Variants in PSG11 observed in about 807,000 individuals in gnomAD.
PSG11 encodes the protein pregnancy-specific beta-1-glycoprotein 11.
Under a neutral mutation model 36.0 loss-of-function variants are expected in PSG11, and 42 were observed. That is an observed-to-expected ratio of 1.17 (90% confidence interval 0.91 to 1.51). PSG11 has a LOEUF of 1.51. PSG11 is among the 40% of genes most tolerant of loss of function. The probability of loss-of-function intolerance (pLI) is 0.00; values close to 1 mark genes in which losing one functional copy is unlikely to be tolerated. For missense variants in PSG11, 558 were observed against 403.5 expected, an observed-to-expected ratio of 1.38 and a Z score of -3.28; for synonymous variants, 206 against 153.5, an observed-to-expected ratio of 1.34 and a Z score of -2.53.
intron 4 of PSG11, 141 bp downstream of exon 4, chr19:43,014,975 G>A (rs1599671518): frequency 1.3e-6 from 2 of 1,552,680 alleles, no homozygotes; most frequent in Admixed American, 3.9e-5. Context: ...GACAAATTGG[G>A]AGGGTTCAGG....
At chr19:43,009,856 G>A (rs780161427) in intron 5 of PSG11, 102 bp downstream of exon 5, 14 of 900,246 alleles carry the variant, frequency 1.6e-5, no homozygotes, top group Non-Finnish European at 2.5e-5. Flanking sequence ...AGTGGATGAA[G>A]GAGGAGATCC....
At chr19:43,014,494 G>C (rs1230276644) in intron 4 of PSG11, 2 of 975,884 alleles carry the variant, frequency 2.0e-6, no homozygotes, top group Non-Finnish European at 2.4e-6. Flanking sequence ...TTTCCTTGCA[G>C]CCTGGCCCGG....
chr19:43,021,359 AT>A (rs1386993622), intron 2 of PSG11, among the ~76,000 whole-genome samples: 1 of 150,920 alleles, frequency 6.6e-6, no homozygotes, highest in East Asian at 1.9e-4. Context: ...CTCTTACAGC[AT>A]TTTTATTTTT....
intron 2 of PSG11, among the ~76,000 whole-genome samples, chr19:43,020,261 T>C (rs1967071416): frequency 6.6e-6 from 1 of 151,462 alleles, no homozygotes; most frequent in Non-Finnish European, 1.5e-5. Flanking sequence ...TTTTTTATTT[T>C]GGAATATTTG....
Position 43,007,965 on chromosome 19 carries a change from T to G in PSG11, c.*118A>C, listed in dbSNP as rs370959726. ...CTGTTCATCAAAATTTTGAAAGTTC[T>G]TAGTCCAGTGGTATGATCTTGAAGT... On this transcript the variant is annotated 3_prime_UTR_variant, in exon 6 of 6. Coordinates refer to ENST00000320078, the MANE Select transcript of PSG11 (RefSeq NM_002785.3). 2.2e-5 allele frequency: 9 copies of G among 400,168 alleles called. No homozygotes were observed. The East Asian group carries it at 2.5e-4, about 11-fold the overall frequency. 24.8% of individuals were successfully genotyped at this position (400,168 alleles called of 1,614,324 possible). A position where few individuals can be genotyped will look rare whatever the true frequency, so the allele number is the denominator to read the frequency against.
chr19:43,015,466 C>T (rs1315996728), intron 3 of PSG11, 96 bp from the exon 4 acceptor site: 2 of 1,453,240 alleles, frequency 1.4e-6, no homozygotes, highest in Non-Finnish European at 1.9e-6. Flanking sequence ...TGAGCCAAGA[C>T]ACACCCTCAA....
At chr19:43,011,357 T>A (rs1434292038) in intron 4 of PSG11, among the ~76,000 whole-genome samples, 1 of 150,974 alleles carries the variant, frequency 6.6e-6, no homozygotes, top group Non-Finnish European at 1.5e-5. Flanking sequence ...AGATCTCAGG[T>A]CAACAACCTA....
Position 43,010,032 on chromosome 19 carries a change from C to G in PSG11, c.974G>C (p.Gly325Ala), listed in dbSNP as rs755437688. Reference sequence around the variant, plus strand: ...ATTATTGAAAGCAAAAGTTCCTAATCCTGGAGGAGCTGTCATGGAAAGAAA... The same window carrying G: ...ATTATTGAAAGCAAAAGTTCCTAATGCTGGAGGAGCTGTCATGGAAAGAAA... ...SLTIRVIAPP[G>A]LGTFAFNNPT Residue 325 changes from glycine (G) to alanine (A), a missense_variant, in exon 5 of 6, where the codon GGA (glycine) becomes GCA (alanine). Gly to Ala is a moderately conservative substitution (Grantham distance 60, BLOSUM62 0). Coordinates refer to ENST00000320078, the MANE Select transcript of PSG11 (RefSeq NM_002785.3). 3.1e-6 allele frequency: 5 copies of G among 1,609,534 alleles called. No homozygotes were observed. In the Admixed American group the frequency reaches 8.4e-5, roughly 27 times the overall value.
chr19:43,018,795 A>G lies in PSG11; in HGVS notation c.684T>C (p.Ser228=). The G allele has an allele frequency of 1.2e-6, 2 of 1,612,124 alleles. No individual in the cohort carries two copies. The highest frequency in any genetic ancestry group is 1.7e-6 in the Non-Finnish European group (2 of 1,179,076). Residue 228 remains serine, a synonymous_variant, in exon 3 of 6, where the codon AGT becomes AGC. Transcript: ENST00000320078. ...GGAGGAGATTCAGGGTGACTGGGTC[A>G]CTGCGGCTGGCACTCCCTGAGTTCC... ...EIWNSGSASR[S]DPVTLNLLHG... is the part of the protein sequence containing the mutation.
intron 4 of PSG11, among the ~76,000 whole-genome samples, chr19:43,013,030 G>T (rs1480716436): frequency 6.6e-6 from 1 of 151,338 alleles, no homozygotes. Flanking sequence ...CAATGGGGAA[G>T]GGACAGTGTT....
intron 5 of PSG11, among the ~76,000 whole-genome samples, chr19:43,009,263 G>A (rs1435996011): frequency 6.6e-6 from 1 of 151,246 alleles, no homozygotes; most frequent in East Asian, 1.9e-4. Flanking sequence ...TGTTCTCCAC[G>A]AGGTCAGATG....
intron 2 of PSG11, among the ~76,000 whole-genome samples, chr19:43,021,881 C>G (rs773820686): frequency 6.6e-6 from 1 of 151,304 alleles, no homozygotes; most frequent in Non-Finnish European, 1.5e-5. Flanking sequence ...CCTCTGACAC[C>G]CTGGTGAGTC....
intron 2 of PSG11, among the ~76,000 whole-genome samples, chr19:43,020,329 C>G (rs1260417556): frequency 6.6e-6 from 1 of 151,338 alleles, no homozygotes; most frequent in Non-Finnish European, 1.5e-5. Flanking sequence ...CACAATGCGC[C>G]AGTGAGCACT....
chr19:43,024,668 A>G lies in PSG11; in HGVS notation c.430+23T>C, dbSNP rs779924319. ...AAGTGACCCCTGTCCCCCAACACCC[A>G]GGGATCATGTGGAATCACTTACGGT... On this transcript the variant is annotated intron_variant, in intron 2 of 5. Coordinates refer to ENST00000320078, the MANE Select transcript of PSG11 (RefSeq NM_002785.3). The G allele has an allele frequency of 6.8e-6, 11 of 1,609,552 alleles. 1 individual carries two copies. The highest frequency in any genetic ancestry group is 6.8e-6 in the Non-Finnish European group (8 of 1,177,888).
rs760075982 is a variant in PSG11, at chr19:43,018,588, C to G, written c.709+182G>C. 4.2e-5 allele frequency: 59 copies of G among 1,408,252 alleles called. 1 individual carries two copies. Among genetic ancestry groups the G allele is most frequent in the Non-Finnish European group, 5.4e-5 (55 of 1,024,158 alleles). The allele number at this position is 1,408,252 out of a possible 1,614,324, so 87.2% of individuals were successfully genotyped here. On this transcript the variant is annotated intron_variant, in intron 3 of 5. Transcript: ENST00000320078. ...TCCCATGACAGGAGCAGCCTCTTTT[C>G]TCCCACTGTGGATCAAGCCTAGGCC...
intron 2 of PSG11, among the ~76,000 whole-genome samples, chr19:43,022,885 A>T (rs1003640952): frequency 4.0e-5 from 6 of 150,576 alleles, no homozygotes; most frequent in Non-Finnish European, 8.9e-5. Flanking sequence ...AAGGGAATAG[A>T]ACAGCCAGCC....
intron 1 of PSG11, among the ~76,000 whole-genome samples, chr19:43,025,916 C>CTTTTTTTTTTTTTTTTCTTT (rs1967238117): frequency 1.6e-5 from 1 of 62,000 alleles, no homozygotes; most frequent in African/African-American, 6.3e-5. Flanking sequence ...GCCTTCTTTC[C>CTTTTTTTTTTTTTTTTCTTT]TTTTTTTTTT....
At position 43,024,457 on chromosome 19, in the gene PSG11, A is replaced by G. The variant is rs1967185437; in HGVS notation, c.430+234T>C. The G allele has an allele frequency of 8.3e-6, 5 of 604,466 alleles. No homozygotes were observed. The Admixed American group carries it at 8.8e-5, about 11-fold the overall frequency. 37.4% of individuals were successfully genotyped at this position (604,466 alleles called of 1,614,324 possible). On this transcript the variant is annotated intron_variant, in intron 2 of 5. Transcript: ENST00000320078. ...TGATCTCCTCCTGCTGAGTCCCCCC[A>G]TCAGACTGTCCTTCCTCTGCAGCGA... is the stretch of plus-strand genomic sequence containing the variant.
chr19:43,011,820 G>C (rs1974083322), intron 4 of PSG11, among the ~76,000 whole-genome samples: 2 of 150,618 alleles, frequency 1.3e-5, no homozygotes, highest in Non-Finnish European at 3.0e-5. Flanking sequence ...GAGCCCAGGA[G>C]GTTGAGGCTG....
Sources: gnomAD v4.1 joint callset for allele counts (sites outside exome capture counted in the v4.1 genomes callset) on GRCh38, gnomAD v4.1.1 for gene constraint, MANE v1.5 for transcripts, NCBI Gene and HGNC (gene_info 2026-07-23, HGNC 2026-07-21) for gene names.